Variants in DZIP3 observed in about 807,000 individuals in gnomAD.
DZIP3 encodes the protein E3 ubiquitin-protein ligase DZIP3.
A neutral mutation model predicts 162.0 loss-of-function variants in DZIP3; 118 were observed. The ratio of observed to expected loss-of-function variants is 0.73; its 90% CI spans 0.63 to 0.85. DZIP3 has a LOEUF of 0.85. DZIP3 is among the 40% of genes least tolerant of loss of function. The probability of loss-of-function intolerance (pLI) is 0.00; values close to 1 mark genes in which losing one functional copy is unlikely to be tolerated. For synonymous variants in DZIP3, 438 were observed against 458.6 expected (o/e 0.96, Z 0.57); for missense variants, 1,331 against 1,407.0 (o/e 0.95, Z 0.86).
At position 108,624,510 on chromosome 3, in the gene DZIP3, A is replaced by G. The variant is rs1410105701; in HGVS notation, c.442A>G (p.Arg148Gly). 1 of 1,574,972 alleles carries G rather than the reference A, an allele frequency of 6.3e-7. No homozygotes were observed. The highest frequency in any genetic ancestry group is 1.2e-5 in the South Asian group (1 of 86,448). Residue 148 changes from arginine (R) to glycine (G), a missense_variant, in exon 6 of 33, where the codon AGA (arginine) becomes GGA (glycine). Physicochemically the swap from Arg to Gly is moderately radical, Grantham distance 125. Around this residue, in one of 2 missense-constraint regions of DZIP3, gnomAD observed 1,278 missense variants for 1,317.1 expected, o/e 0.97. Coordinates refer to ENST00000361582, the MANE Select transcript of DZIP3 (RefSeq NM_014648.4). ...LFLYGVALTERGKKEDYTEAE... is the reference protein window; with the variant it reads ...LFLYGVALTEGGKKEDYTEAE... ...TTTATATGGAGTAGCACTCACTGAA[A>G]GAGGAAAGAAAGAGGTATGTAACAT... is the stretch of plus-strand genomic sequence containing the variant.
chr3:108,637,590 T>C, intron 12 of DZIP3, 42 bp downstream of exon 12: 1 of 1,549,768 alleles, frequency 6.5e-7, no homozygotes, highest in Non-Finnish European at 8.8e-7. Context: ...TTTTGGAATA[T>C]GCATATATTT....
At chr3:108,645,678 CAT>C (rs1942591907) in intron 14 of DZIP3, among the ~76,000 whole-genome samples, 1 of 152,162 alleles carries the variant, frequency 6.6e-6, no homozygotes, top group Non-Finnish European at 1.5e-5. Context: ...GCTATATAAA[CAT>C]ACAACTGTAA....
chr3:108,631,049 ACACACACT>A (rs1941826804), intron 8 of DZIP3, among the ~76,000 whole-genome samples: 6 of 55,592 alleles, frequency 1.1e-4, no homozygotes, highest in Admixed American at 1.0e-3. Flanking sequence ...ACACACACAC[ACACACACT>A]CTCTCTCTCT....
chr3:108,630,254 T>C (rs1024943877), intron 8 of DZIP3, among the ~76,000 whole-genome samples: 1 of 152,142 alleles, frequency 6.6e-6, no homozygotes, highest in Non-Finnish European at 1.5e-5. Context: ...TCTTGGTTAA[T>C]GTTTGAATGA....
chr3:108,691,294 A>G (rs973552607), intron 32 of DZIP3: 3 of 162,390 alleles, frequency 1.8e-5, no homozygotes, highest in African/African-American at 7.2e-5. Context: ...AGAAGTAGGA[A>G]TGGGTGCAGC....
Position 108,677,519 on chromosome 3 carries a change from A to G in DZIP3, c.2804A>G (p.Asn935Ser), listed in dbSNP as rs776512655. ...FLRTQYNEQI[N>S]KVKQGFALST... ...CAGACACAGTACAATGAACAAATAA[A>G]CAAAGTCAAGCAAGGATTTGCCTTG... The change falls in exon 26 of 33, where the codon AAC becomes AGC. Residue 935 changes from asparagine (N) to serine (S), a missense_variant. Around this residue, in one of 2 missense-constraint regions of DZIP3, gnomAD observed 1,278 missense variants for 1,317.1 expected, o/e 0.97. Coordinates refer to ENST00000361582, the MANE Select transcript of DZIP3 (RefSeq NM_014648.4). The G allele has an allele frequency of 4.3e-6, 7 of 1,612,534 alleles. No individual in the cohort carries two copies. The African/African-American group carries it at 8.0e-5, about 18-fold the overall frequency.
intron 27 of DZIP3, among the ~76,000 whole-genome samples, 184 bp from the exon 28 acceptor site, chr3:108,686,261 T>C (rs1331269611): frequency 1.3e-5 from 2 of 152,254 alleles, no homozygotes; most frequent in African/African-American, 4.8e-5. Context: ...TTCTACCCTT[T>C]TCTTTGTCCT....
At chr3:108,608,917 G>A (rs1035291670) in intron 3 of DZIP3, among the ~76,000 whole-genome samples, 15 of 152,134 alleles carry the variant, frequency 9.9e-5, no homozygotes, top group African/African-American at 3.1e-4. Context: ...TTCTTAGGCT[G>A]GACAGGAGGG....
At chr3:108,647,866 G>T (rs1662005149) in intron 15 of DZIP3, 77 bp from the exon 16 acceptor site, 1 of 1,208,734 alleles carries the variant, frequency 8.3e-7, no homozygotes, top group Non-Finnish European at 1.1e-6. Flanking sequence ...TTGCTTTTTT[G>T]GGCAAACATT....
intron 18 of DZIP3, among the ~76,000 whole-genome samples, chr3:108,653,505 G>GTA (rs1216334552): frequency 2.2e-3 from 152 of 67,768 alleles, no homozygotes; most frequent in African/African-American, 4.7e-3. Flanking sequence ...TTGTGTGTGT[G>GTA]TGTATATATA....
intron 7 of DZIP3, 51 bp from the exon 8 acceptor site, chr3:108,629,011 T>G: frequency 9.1e-7 from 1 of 1,098,786 alleles, no homozygotes; most frequent in South Asian, 1.7e-5. Flanking sequence ...TGGTAAACCA[T>G]GCATCTACAC....
chr3:108,659,186 C>CA lies in DZIP3; in HGVS notation c.2200-2684dup, dbSNP rs1428592591. The stretch of plus-strand genomic sequence containing the variant: ...ATAGCAAAGCCGGGCAGAGACATAA[C>CA]AAAAAAAGAGAATTTTAGACCAATA... On this transcript the variant is annotated intron_variant, in intron 19 of 32. Coordinates refer to ENST00000361582, the MANE Select transcript of DZIP3 (RefSeq NM_014648.4). Among the ~76,000 whole-genome samples, 6 of 152,030 alleles carry CA rather than the reference C, an allele frequency of 3.9e-5. No individual in the cohort carries two copies. The East Asian group carries it at 7.7e-4, about 20-fold the overall frequency.
intron 27 of DZIP3, among the ~76,000 whole-genome samples, chr3:108,685,590 A>G (rs1191580127): frequency 6.6e-6 from 1 of 152,214 alleles, no homozygotes; most frequent in Non-Finnish European, 1.5e-5. Flanking sequence ...ACCATAAAAT[A>G]TGGAGAAAAG....
At chr3:108,692,203 T>C (rs1944725294) in intron 32 of DZIP3, among the ~76,000 whole-genome samples, 1 of 151,726 alleles carries the variant, frequency 6.6e-6, no homozygotes, top group Non-Finnish European at 1.5e-5. Flanking sequence ...TAATGTGAAT[T>C]GATAGAAATA....
intron 26 of DZIP3, among the ~76,000 whole-genome samples, chr3:108,680,138 C>T (rs1048528229): frequency 6.6e-6 from 1 of 151,984 alleles, no homozygotes; most frequent in African/African-American, 2.4e-5. Context: ...ATAGGAGGTA[C>T]ATACCTCAAC....
chr3:108,668,060 AT>A (rs1356611301), intron 21 of DZIP3, among the ~76,000 whole-genome samples: 3 of 152,082 alleles, frequency 2.0e-5, no homozygotes, highest in Admixed American at 1.3e-4. Flanking sequence ...GGCTTCTTTC[AT>A]CTTAGAATAT....
intron 29 of DZIP3, 41 bp downstream of exon 29, chr3:108,688,137 C>G (rs1261063404): frequency 6.2e-7 from 1 of 1,607,520 alleles, no homozygotes; most frequent in Non-Finnish European, 8.5e-7. Context: ...ATCTCTCTGC[C>G]CTTAACTCTA....
chr3:108,659,717 A>C (rs1316813009), intron 19 of DZIP3, among the ~76,000 whole-genome samples: 1 of 152,236 alleles, frequency 6.6e-6, no homozygotes, highest in African/African-American at 2.4e-5. Flanking sequence ...TGCAGATGAC[A>C]TGATTGTATG....
Position 108,644,268 on chromosome 3 carries a change from A to G in DZIP3, c.1246A>G (p.Met416Val), listed in dbSNP as rs763867298. 4 of 1,613,876 alleles carry G rather than the reference A, an allele frequency of 2.5e-6. No individual in the cohort carries two copies. Among genetic ancestry groups the G allele is most frequent in the East Asian group, 2.2e-5 (1 of 44,882 alleles). ...DIVRQIFDEA[M>V]PPPLLKKELL... ...TGTTCGACAAATATTTGATGAGGCT[A>G]TGCCACCTCCTCTTTTGAAAAAAGA... The change falls in exon 14 of 33, where the codon ATG becomes GTG. Residue 416 changes from methionine to valine, a missense_variant. Coordinates refer to ENST00000361582, the MANE Select transcript of DZIP3 (RefSeq NM_014648.4).
Sources: allele counts gnomAD v4.1 joint callset (sites outside exome capture counted in the v4.1 genomes callset), GRCh38; gene constraint gnomAD v4.1.1; regional missense constraint gnomAD v4.1.1; transcripts MANE v1.5; gene names NCBI Gene and HGNC (gene_info 2026-07-23, HGNC 2026-07-21).